PYGL: variants seen among roughly 807,000 people sequenced by gnomAD.
PYGL encodes glycogen phosphorylase, liver form.
PYGL carries 90 observed loss-of-function variants against 100.1 expected under a neutral mutation model. The observed-to-expected ratio is 0.90, with a 90% confidence interval of 0.76 to 1.07. The LOEUF is 1.07. PYGL is among the 50% of genes least tolerant of loss of function. The pLI is 0.00. For missense variants in PYGL, 1,016 were observed against 1,057.6 expected, an observed-to-expected ratio of 0.96 and a Z score of 0.55; for synonymous variants, 373 against 393.0, an observed-to-expected ratio of 0.95 and a Z score of 0.60.
rs8004768 is a variant in PYGL, at chr14:50,909,079, T to G, written c.2178-124A>C. The G allele has an allele frequency of 0.31, 339,172 of 1,077,144 alleles. 60,512 individuals carry two copies. Among genetic ancestry groups the G allele is most frequent in the East Asian group, 0.63 (25,373 of 40,540 alleles). The allele number at this position is 1,077,144 out of a possible 1,614,324, so 66.7% of individuals were successfully genotyped here. A position where few individuals can be genotyped will look rare whatever the true frequency, so the allele number is the denominator to read the frequency against. On this transcript the variant is annotated intron_variant, in intron 17 of 19. Coordinates refer to ENST00000216392, the MANE Select transcript of PYGL (RefSeq NM_002863.5). ...TTCAGAAATACTAGCATTCAAAGAC[T>G]TCATTATAGATTTCACCATGAGTAT...
At chr14:50,921,237 G>A in intron 5 of PYGL, 170 bp from the exon 6 acceptor site, 1 of 611,340 alleles carries the variant, frequency 1.6e-6, no homozygotes, top group South Asian at 1.9e-5. Flanking sequence ...GGGTATTAGA[G>A]GAACATGTGG....
intron 2 of PYGL, among the ~76,000 whole-genome samples, chr14:50,935,824 G>A (rs1394135264): frequency 6.6e-6 from 1 of 152,260 alleles, no homozygotes; most frequent in East Asian, 1.9e-4. Flanking sequence ...GTGGGTTACT[G>A]CCCTGGAGAC....
intron 1 of PYGL, among the ~76,000 whole-genome samples, chr14:50,943,388 C>T (rs929368917): frequency 6.6e-6 from 1 of 152,214 alleles, no homozygotes; most frequent in Admixed American, 6.5e-5. Context: ...GGTCTCTGCT[C>T]CCGCCCCCAC....
At chr14:50,915,792 C>T (rs1289756970) in intron 10 of PYGL, 33 bp downstream of exon 10, 2 of 1,604,202 alleles carry the variant, frequency 1.2e-6, no homozygotes, top group South Asian at 2.2e-5. Flanking sequence ...ATCTTATGCT[C>T]ATGAACAGAG....
chr14:50,940,082 T>C (rs1415880201), intron 1 of PYGL, among the ~76,000 whole-genome samples: 2 of 152,238 alleles, frequency 1.3e-5, no homozygotes, highest in African/African-American at 4.8e-5. Flanking sequence ...AGCTATTAGA[T>C]ACCTTCGAAT....
intron 4 of PYGL, among the ~76,000 whole-genome samples, chr14:50,925,974 TG>T (rs1364339485): frequency 6.6e-6 from 1 of 152,168 alleles, no homozygotes; most frequent in East Asian, 1.9e-4. Context: ...CAGGGGCTCC[TG>T]ATTCTACTGG....
chr14:50,908,830 T>C lies in PYGL; in HGVS notation c.2303A>G (p.Tyr768Cys). Residue 768 changes from tyrosine to cysteine, a missense_variant, in exon 18 of 20, where the codon TAT (tyrosine) becomes TGT (cysteine). By Grantham distance (194) the Tyr-to-Cys change is radical (BLOSUM62 -2). Transcript: ENST00000216392. ...TCTTATGGGAACTCACCTGTCATGA[T>C]AAAATAGCATGTTGATGATATCTTT... The part of the protein sequence containing the change: ...LFKDIINMLF[Y>C]HDRFKVFADY... 2 of 1,566,638 alleles carry C rather than the reference T, an allele frequency of 1.3e-6. No homozygotes were observed. Among genetic ancestry groups the C allele is most frequent in the Non-Finnish European group, 1.8e-6 (2 of 1,136,942 alleles).
intron 5 of PYGL, chr14:50,923,329 C>A (rs898092498): frequency 1.3e-4 from 20 of 151,848 alleles, no homozygotes; most frequent in African/African-American, 4.6e-4. Flanking sequence ...ACTCTGTTAC[C>A]CAGGCTGGAG....
In PYGL at chr14:50,933,682, G is replaced by A. The variant is rs191771744; in HGVS notation, c.424+1425C>T. ...TCTGCACTCCTCCCTACAGGGGGTC[G>A]TAGGGAACAGTTTCGTATTTAAAAT... On this transcript the variant is annotated intron_variant, in intron 3 of 19. Transcript: ENST00000216392. Among the ~76,000 whole-genome samples, 36 of 152,122 alleles carry A rather than the reference G, an allele frequency of 2.4e-4. No homozygotes were observed. In the East Asian group the frequency reaches 6.2e-3, roughly 26 times the overall value.
chr14:50,909,327 T>G (rs923609373), intron 17 of PYGL, among the ~76,000 whole-genome samples: 2 of 152,240 alleles, frequency 1.3e-5, no homozygotes, highest in African/African-American at 4.8e-5. Context: ...TCAAAAGTTG[T>G]TGCTACTGAG....
Position 50,921,417 on chromosome 14 carries a change from G to A in PYGL, c.661-350C>T, listed in dbSNP as rs372016720. 80 of 221,710 alleles carry A rather than the reference G, an allele frequency of 3.6e-4. 1 individual carries two copies. In the South Asian group the frequency reaches 4.0e-3, roughly 11 times the overall value. 13.7% of individuals were successfully genotyped at this position (221,710 alleles called of 1,614,324 possible). ...GTTTATCTTTTTTTTTTTTTGAGAC[G>A]GAGTCTCACTCTGTTGCCCAGGCTG... On this transcript the variant is annotated intron_variant, in intron 5 of 19. Coordinates refer to ENST00000216392, the MANE Select transcript of PYGL (RefSeq NM_002863.5).
rs1596037996 is a variant in PYGL at position 50,917,135 on chromosome 14, G to T, written c.856-30C>A. ...AAGCCAGAGAGATAGAATAAAAATG[G>T]TTCATATTGTAGGTGTGGCCAAAAT... is the stretch of plus-strand genomic sequence containing the variant. On this transcript the variant is annotated intron_variant, in intron 7 of 19. Coordinates refer to ENST00000216392, the MANE Select transcript of PYGL (RefSeq NM_002863.5). 1.1e-5 allele frequency: 17 copies of T among 1,610,138 alleles called. No homozygotes were observed. In the East Asian group the frequency reaches 3.8e-4, roughly 36 times the overall value.
chr14:50,921,038 G>A lies in PYGL; in HGVS notation c.690C>T (p.Pro230=), dbSNP rs141500790. The change falls in exon 6 of 20, where the codon CCC becomes CCT. Residue 230 remains proline, a synonymous_variant. Transcript: ENST00000216392. Reference sequence around the variant, plus strand: ...CAGTGTTATTCATGTAGCCGGGCACGGGGGTGTCATATGGCAGAGCCAGGA... The same window carrying A: ...CAGTGTTATTCATGTAGCCGGGCACAGGGGTGTCATATGGCAGAGCCAGGA... ...QVVLALPYDT[P]VPGYMNNTVN... is the part of the protein sequence containing the mutation. 2.4e-5 allele frequency: 39 copies of A among 1,613,964 alleles called. No individual in the cohort carries two copies. In the African/African-American group the frequency reaches 2.8e-4, roughly 12 times the overall value.
At chr14:50,917,175 C>G (rs1396485728) in intron 7 of PYGL, 70 bp from the exon 8 acceptor site, 28 of 1,519,840 alleles carry the variant, frequency 1.8e-5, no homozygotes, top group Non-Finnish European at 2.4e-5. Context: ...CTGGTGTCTC[C>G]TGCACTAGGA....
In PYGL at chr14:50,908,875, G is replaced by A. The variant is rs1443147154; in HGVS notation, c.2258C>T (p.Pro753Leu). 1 of 1,578,660 alleles carries A rather than the reference G, an allele frequency of 6.3e-7. No homozygotes were observed. Among genetic ancestry groups the A allele is most frequent in the Admixed American group, 1.7e-5 (1 of 59,942 alleles). Reference protein sequence around the residue: ...IDQIDNGFFSPKQPDLFKDII... With the variant: ...IDQIDNGFFSLKQPDLFKDII... Reference sequence around the variant, plus strand: ...ATCTTTGAAGAGGTCAGGCTGCTTGGGAGAAAAAAAGCCATTGTCAATTTG... The same window carrying A: ...ATCTTTGAAGAGGTCAGGCTGCTTGAGAGAAAAAAAGCCATTGTCAATTTG... Residue 753 changes from proline to leucine, a missense_variant, in exon 18 of 20, where the codon CCC becomes CTC. Coordinates refer to ENST00000216392, the MANE Select transcript of PYGL (RefSeq NM_002863.5).
At position 50,912,902 on chromosome 14, in the gene PYGL, C is replaced by T. The variant is rs148773378; in HGVS notation, c.1620+127G>A. 17,323 of 818,598 alleles carry T rather than the reference C, an allele frequency of 0.021. 248 individuals carry two copies. Among genetic ancestry groups the T allele is most frequent in the Non-Finnish European group, 0.026 (13,126 of 504,676 alleles). The allele number at this position is 818,598 out of a possible 1,614,324, so 50.7% of individuals were successfully genotyped here. ...CTGGGAGGCGGAGGTTGCAGTGAGC[C>T]GAGATCGTGCCACTGCACTCCAGCC... is the stretch of plus-strand genomic sequence containing the variant. On this transcript the variant is annotated intron_variant, in intron 13 of 19. Transcript: ENST00000216392.
chr14:50,919,822 C>T (rs1157911705), intron 7 of PYGL, among the ~76,000 whole-genome samples: 1 of 152,132 alleles, frequency 6.6e-6, no homozygotes, highest in Non-Finnish European at 1.5e-5. Flanking sequence ...GCTGGGATTA[C>T]AGGCGCCTAC....
chr14:50,929,073 C>G (rs1050705755), intron 4 of PYGL, among the ~76,000 whole-genome samples: 4 of 151,830 alleles, frequency 2.6e-5, no homozygotes, highest in African/African-American at 4.8e-5. Context: ...ATTTTTGAGA[C>G]AGGGTCTCAC....
intron 17 of PYGL, among the ~76,000 whole-genome samples, 156 bp from the exon 18 acceptor site, chr14:50,909,111 CTT>C (rs745720407): frequency 6.6e-6 from 1 of 152,250 alleles, no homozygotes; most frequent in East Asian, 1.9e-4. Context: ...GTATATATAA[CTT>C]TTAACTAGAT....
Sources: allele counts gnomAD v4.1 joint callset (sites outside exome capture counted in the v4.1 genomes callset), GRCh38; gene constraint gnomAD v4.1.1; transcripts MANE v1.5; gene names NCBI Gene and HGNC (gene_info 2026-07-23, HGNC 2026-07-21).